The following LRRFIP2 variants were observed in gnomAD, a reference collection of about 807,000 sequenced individuals.
LRRFIP2 encodes the protein LRR binding FLII interacting protein 2.
In LRRFIP2, 109 loss-of-function variants were observed where a neutral mutation model predicts 125.9. The observed-to-expected ratio is 0.87, with a 90% CI of 0.74 to 1.01. LRRFIP2 has a LOEUF of 1.01. Ranked by LOEUF, LRRFIP2 falls within the 50% of genes least tolerant of loss-of-function variation. The probability of loss-of-function intolerance (pLI) is 0.00; values close to 1 mark genes in which losing one functional copy is unlikely to be tolerated. For synonymous variants in LRRFIP2, 291 were observed against 293.1 expected, an observed-to-expected ratio of 0.99 and a Z score of 0.07; for missense variants, 850 against 862.3, an observed-to-expected ratio of 0.99 and a Z score of 0.18.
chr3:37,083,969 A>T (rs1306848419), intron 18 of LRRFIP2, among the ~76,000 whole-genome samples, 163 bp from the exon 19 acceptor site: 3 of 152,226 alleles, frequency 2.0e-5, no homozygotes, highest in Non-Finnish European at 2.9e-5. Context: ...GTGAAACAGG[A>T]AGACAATAAT....
At chr3:37,120,003 T>G (rs1040500075) in intron 6 of LRRFIP2, among the ~76,000 whole-genome samples, 1 of 151,694 alleles carries the variant, frequency 6.6e-6, no homozygotes, top group Non-Finnish European at 1.5e-5. Context: ...GTACTATATC[T>G]CCAGGGAGAA....
intron 2 of LRRFIP2, 70 bp from the exon 3 acceptor site, chr3:37,129,219 T>C (rs1167943502): frequency 7.3e-7 from 1 of 1,379,276 alleles, no homozygotes; most frequent in South Asian, 1.2e-5. Flanking sequence ...GATTTGAAAA[T>C]AAAGAATGGG....
rs1375096118 is a variant in LRRFIP2, at chr3:37,112,969, G to C, written c.384C>G (p.Tyr128Ter). The C allele has an allele frequency of 1.3e-6, 2 of 1,572,958 alleles. No homozygotes were observed. Among genetic ancestry groups the C allele is most frequent in the South Asian group, 1.1e-5 (1 of 88,766 alleles). Residue 128 changes from tyrosine (Y) to a stop codon, truncating the protein, a stop_gained, in exon 8 of 28, where the codon TAC becomes TAG. Coordinates refer to ENST00000336686, the MANE Select transcript of LRRFIP2 (RefSeq NM_006309.4). LOFTEE classifies it high-confidence loss of function. ...TCTTCTTCATTCCATGAGAGTGACT[G>C]TAAGAATGATTCTGGAAGTAAATAT... ...SSRLSSLNHS[Y>*]SHSHGMKKRS...
chr3:37,148,111 A>C (rs902916797), intron 2 of LRRFIP2, among the ~76,000 whole-genome samples: 1 of 152,220 alleles, frequency 6.6e-6, no homozygotes, highest in East Asian at 1.9e-4. Flanking sequence ...GTATTTCTAT[A>C]ATATAGTCAT....
At chr3:37,144,158 G>A (rs1000530499) in intron 2 of LRRFIP2, among the ~76,000 whole-genome samples, 2 of 152,186 alleles carry the variant, frequency 1.3e-5, no homozygotes, top group South Asian at 2.1e-4. Context: ...TAGCTACATC[G>A]ACTCCAGGTG....
At chr3:37,066,071 C>T (rs1008468220) in intron 22 of LRRFIP2, 129 bp from the exon 23 acceptor site, 2 of 1,367,220 alleles carry the variant, frequency 1.5e-6, no homozygotes, top group Non-Finnish European at 2.1e-6. Flanking sequence ...TGAAATATAG[C>T]TCTGTGTAAG....
intron 6 of LRRFIP2, among the ~76,000 whole-genome samples, chr3:37,116,317 T>G (rs939414904): frequency 6.6e-6 from 1 of 151,988 alleles, no homozygotes; most frequent in African/African-American, 2.4e-5. Context: ...TTTTTTAATT[T>G]TAGGAGATGG....
Position 37,121,659 on chromosome 3 carries a change from C to T in LRRFIP2, c.261G>A (p.Arg87=). The T allele has an allele frequency of 6.2e-7, 1 of 1,614,054 alleles. No homozygotes were observed. The highest frequency in any genetic ancestry group is 1.1e-5 in the South Asian group (1 of 91,072). ...EDSERARYSH[R]SSHHRPYLGV... ...CCAGATAAGGACGATGGTGACTGGA[C>T]CGGTGGGAATACCTGGCCCTTTCCG... is the stretch of plus-strand genomic sequence containing the variant. Residue 87 remains arginine, a synonymous_variant, in exon 5 of 28, where the codon CGG becomes CGA. Coordinates refer to ENST00000336686, the MANE Select transcript of LRRFIP2 (RefSeq NM_006309.4).
chr3:37,096,384 G>A (rs576598737), intron 16 of LRRFIP2, among the ~76,000 whole-genome samples: 5 of 152,130 alleles, frequency 3.3e-5, no homozygotes, highest in Non-Finnish European at 7.4e-5. Context: ...CAAAAGAGCA[G>A]CCAAAAGCTA....
Position 37,094,897 on chromosome 3 carries a change from T to A in LRRFIP2, c.930A>T (p.Arg310=), listed in dbSNP as rs759747719. The change falls in exon 17 of 28, where the codon CGA becomes CGT. Residue 310 remains arginine (R), a synonymous_variant. Coordinates refer to ENST00000336686, the MANE Select transcript of LRRFIP2 (RefSeq NM_006309.4). The part of the protein sequence containing the change: ...YAENYTRPSS[R]NSASATTPLS... ...GAGGGGTTGTTGCTGAGGCAGAATT[T>A]CGAGATGAAGGCTAGAAAGAGAAAT... 6 of 1,607,622 alleles carry A rather than the reference T, an allele frequency of 3.7e-6. No homozygotes were observed. The highest frequency in any genetic ancestry group is 2.2e-5 in the South Asian group (2 of 90,964).
chr3:37,140,407 A>C (rs1237862809), intron 2 of LRRFIP2: 2 of 149,820 alleles, frequency 1.3e-5, no homozygotes, highest in Non-Finnish European at 3.0e-5. Flanking sequence ...TGATATACAA[A>C]TTTGTGAAGC....
At chr3:37,125,891 T>C (rs2095253022) in intron 4 of LRRFIP2, among the ~76,000 whole-genome samples, 1 of 152,222 alleles carries the variant, frequency 6.6e-6, no homozygotes, top group Admixed American at 6.5e-5. Flanking sequence ...GGCTCACAGA[T>C]AAAGCAGCCA....
chr3:37,164,900 G>T (rs2096438396), intron 1 of LRRFIP2, among the ~76,000 whole-genome samples: 1 of 152,050 alleles, frequency 6.6e-6, no homozygotes, highest in Non-Finnish European at 1.5e-5. Flanking sequence ...TATGGCAAAG[G>T]TTATACAGGA....
chr3:37,094,394 T>C (rs376834204), intron 17 of LRRFIP2, among the ~76,000 whole-genome samples: 2 of 152,346 alleles, frequency 1.3e-5, no homozygotes, highest in East Asian at 3.9e-4. Flanking sequence ...GAGAGATAAC[T>C]ATATTCAAGC....
intron 16 of LRRFIP2, 73 bp downstream of exon 16, chr3:37,096,539 AAAAT>A: frequency 1.1e-6 from 1 of 920,542 alleles, no homozygotes; most frequent in Non-Finnish European, 1.7e-6. Context: ...CAATTGTTGT[AAAAT>A]AAATAATGAA....
At chr3:37,067,444 G>A (rs1187661449) in intron 21 of LRRFIP2, 1 of 152,164 alleles carries the variant, frequency 6.6e-6, no homozygotes, top group East Asian at 1.9e-4. Flanking sequence ...AAATATTTTT[G>A]TTCATATATT....
chr3:37,091,283 C>T (rs1361643082), intron 18 of LRRFIP2, among the ~76,000 whole-genome samples, 184 bp downstream of exon 18: 2 of 151,824 alleles, frequency 1.3e-5, no homozygotes, highest in Non-Finnish European at 2.9e-5. Context: ...AACTGTACTA[C>T]ACATTTAAAC....
At chr3:37,123,456 T>C (rs1305862594) in intron 4 of LRRFIP2, among the ~76,000 whole-genome samples, 1 of 152,204 alleles carries the variant, frequency 6.6e-6, no homozygotes, top group East Asian at 1.9e-4. Context: ...TCCAAAGTGC[T>C]GGTATTACAG....
chr3:37,054,046 A>G, intron 27 of LRRFIP2, 85 bp from the exon 28 acceptor site: 1 of 852,174 alleles, frequency 1.2e-6, no homozygotes, highest in Non-Finnish European at 2.0e-6. Context: ...GGGAAATGAA[A>G]GCACTGCTAA....
Sources: allele counts gnomAD v4.1 joint callset (sites outside exome capture counted in the v4.1 genomes callset), GRCh38; gene constraint gnomAD v4.1.1; transcripts MANE v1.5; gene names NCBI Gene and HGNC (gene_info 2026-07-23, HGNC 2026-07-21).